TBCD: variants seen among roughly 807,000 people sequenced by gnomAD.
TBCD encodes tubulin-specific chaperone D.
TBCD carries 105 observed loss-of-function variants against 169.3 expected under a neutral mutation model. The ratio of observed to expected loss-of-function variants is 0.62; its 90% CI spans 0.53 to 0.73. The LOEUF is 0.73. TBCD is among the 30% of genes least tolerant of loss of function. The probability of loss-of-function intolerance (pLI) is 0.00; values close to 1 mark genes in which losing one functional copy is unlikely to be tolerated. For synonymous variants in TBCD, 700 were observed against 643.9 expected, an observed-to-expected ratio of 1.09 and a Z score of -1.32; for missense variants, 1,444 against 1,600.1, an observed-to-expected ratio of 0.90 and a Z score of 1.66.
intron 13 of TBCD, among the ~76,000 whole-genome samples, chr17:82,850,415 G>C (rs1204098901): frequency 7.2e-6 from 1 of 138,702 alleles, no homozygotes; most frequent in African/African-American, 2.7e-5. Flanking sequence ...GTTGTTGGCT[G>C]TGCTGTTGGC....
intron 2 of TBCD, among the ~76,000 whole-genome samples, chr17:82,758,551 A>G (rs1158095250): frequency 2.1e-5 from 3 of 143,708 alleles, no homozygotes; most frequent in Admixed American, 7.0e-5. Flanking sequence ...TGCCCAGCTG[A>G]GTTCATTATT....
chr17:82,858,481 G>A (rs2056498527), intron 13 of TBCD: 1 of 772,808 alleles, frequency 1.3e-6, no homozygotes, highest in Non-Finnish European at 1.6e-6. Context: ...AGGTTGGCCA[G>A]TCTGGCTGGG....
At chr17:82,918,014 A>T (rs2061173125) in intron 23 of TBCD, among the ~76,000 whole-genome samples, 1 of 152,156 alleles carries the variant, frequency 6.6e-6, no homozygotes, top group Admixed American at 6.5e-5. Context: ...CTAGTCTGTT[A>T]GTTTTTAAAA....
Position 82,753,977 on chromosome 17 carries a change from A to G in TBCD, c.184+1600A>G, listed in dbSNP as rs138193714. On this transcript the variant is annotated intron_variant, in intron 1 of 38. Coordinates refer to ENST00000355528, the MANE Select transcript of TBCD (RefSeq NM_005993.5). ...CCACAACCTCCACCTCCCAGGTTCAAGTGATTCTCCTGCCTCAGCCTCCCG... is the reference window on the plus strand; with the variant it reads ...CCACAACCTCCACCTCCCAGGTTCAGGTGATTCTCCTGCCTCAGCCTCCCG... Among the ~76,000 whole-genome samples the G allele has an allele frequency of 6.8e-3, 1,013 of 150,000 alleles. 15 individuals are homozygous for G. Among genetic ancestry groups the G allele is most frequent in the African/African-American group, 0.024 (977 of 40,540 alleles).
At chr17:82,893,068 G>A (rs2059251982) in intron 16 of TBCD, 1 of 154,732 alleles carries the variant, frequency 6.5e-6, no homozygotes, top group African/African-American at 2.4e-5. Context: ...TGAGGCCTGG[G>A]CTCTGGTCCA....
intron 8 of TBCD, among the ~76,000 whole-genome samples, chr17:82,799,559 T>A (rs1248982862): frequency 6.6e-6 from 1 of 152,070 alleles, no homozygotes; most frequent in Admixed American, 6.5e-5. Flanking sequence ...GAGAATGGCG[T>A]GCACGCCCCG....
rs1458098763 is a variant in TBCD, at chr17:82,850,503, C to CTGTTGGCTGTGCTGT, written c.1319-19701_1319-19687dup. ...TGCTGTTGTTGGCTGTGCTGTTTTG[C>CTGTTGGCTGTGCTGT]TGTTGGCTGTGCTGTTGTTGGCTGT... On this transcript the variant is annotated intron_variant, in intron 13 of 38. Coordinates refer to ENST00000355528, the MANE Select transcript of TBCD (RefSeq NM_005993.5). Among the ~76,000 whole-genome samples the CTGTTGGCTGTGCTGT allele has an allele frequency of 6.8e-5, 8 of 118,282 alleles. 1 individual carries two copies. The highest frequency in any genetic ancestry group is 4.7e-4 in the East Asian group (2 of 4,288). 77.6% of individuals were successfully genotyped at this position (118,282 alleles called of 152,430 possible). A position where few individuals can be genotyped will look rare whatever the true frequency, so the allele number is the denominator to read the frequency against.
At chr17:82,878,714 G>A (rs1223681889) in intron 14 of TBCD, among the ~76,000 whole-genome samples, 1 of 152,200 alleles carries the variant, frequency 6.6e-6, no homozygotes, top group Admixed American at 6.5e-5. Flanking sequence ...CGAAGGTTAT[G>A]CAACATCCTG....
intron 6 of TBCD, among the ~76,000 whole-genome samples, chr17:82,774,862 T>C (rs905462816): frequency 3.3e-5 from 5 of 152,268 alleles, no homozygotes; most frequent in African/African-American, 1.2e-4. Flanking sequence ...ATGCAATTAC[T>C]GGAGAGGCTG....
At chr17:82,767,990 C>T (rs1350667209) in intron 4 of TBCD, among the ~76,000 whole-genome samples, 1 of 151,360 alleles carries the variant, frequency 6.6e-6, no homozygotes, top group African/African-American at 2.4e-5. Context: ...TCAGGTGATC[C>T]GCTCGTCTCG....
At position 82,830,454 on chromosome 17, in the gene TBCD, G is replaced by A. The variant is rs775246356; in HGVS notation, c.1318+15520G>A. 3.1e-6 allele frequency: 5 copies of A among 1,612,384 alleles called. No individual in the cohort carries two copies. The East Asian group carries it at 8.9e-5, about 29-fold the overall frequency. ...CCTCGCTGCTGTCCACCGCGCATGC[G>A]TCTGGAGCCTCCTCGCCGGGGCCTG... On this transcript the variant is annotated intron_variant, in intron 13 of 38. Transcript: ENST00000355528.
chr17:82,773,229 C>T (rs1371467150), intron 6 of TBCD, among the ~76,000 whole-genome samples: 1 of 152,192 alleles, frequency 6.6e-6, no homozygotes, highest in Non-Finnish European at 1.5e-5. Context: ...GCAGCGTCAC[C>T]TTCACTCGGG....
At chr17:82,758,400 A>AAAAAAAAAAAAAAAAAAAAAAAT (rs1035939621) in intron 2 of TBCD, among the ~76,000 whole-genome samples, 23 of 100,044 alleles carry the variant, frequency 2.3e-4, no homozygotes, top group Non-Finnish European at 3.1e-4. Flanking sequence ...AAAAAAAAAA[A>AAAAAAAAAAAAAAAAAAAAAAAT]AAATAAATAA....
chr17:82,812,670 A>C (rs1035039095), intron 12 of TBCD, among the ~76,000 whole-genome samples: 10 of 152,170 alleles, frequency 6.6e-5, no homozygotes, highest in Non-Finnish European at 1.3e-4. Flanking sequence ...GCAGCCCCCA[A>C]GTAGCTGGGA....
chr17:82,820,470 T>A (rs1300006108), intron 13 of TBCD, among the ~76,000 whole-genome samples: 1 of 152,208 alleles, frequency 6.6e-6, no homozygotes. Context: ...AACTAGCACT[T>A]GGTGTTTTTC....
At position 82,855,993 on chromosome 17, in the gene TBCD, C is replaced by CTTTTTTTT. The variant is rs60978063; in HGVS notation, c.1319-14213_1319-14206dup. ...TTTGTATGGGTAGACTCCCCCCCCA[C>CTTTTTTTT]TTTTTTTTTTTTTTTTTTTTTTTTT... On this transcript the variant is annotated intron_variant, in intron 13 of 38. Coordinates refer to ENST00000355528, the MANE Select transcript of TBCD (RefSeq NM_005993.5). Among the ~76,000 whole-genome samples, 61 of 66,280 alleles carry CTTTTTTTT rather than the reference C, an allele frequency of 9.2e-4. 2 individuals carry two copies. The highest frequency in any genetic ancestry group is 2.7e-3 in the East Asian group (5 of 1,854). The allele number at this position is 66,280 out of a possible 152,430, so 43.5% of individuals were successfully genotyped here. A position where few individuals can be genotyped will look rare whatever the true frequency, so the allele number is the denominator to read the frequency against.
At chr17:82,879,489 C>A (rs1480461188) in intron 14 of TBCD, among the ~76,000 whole-genome samples, 1 of 152,240 alleles carries the variant, frequency 6.6e-6, no homozygotes, top group Admixed American at 6.5e-5. Flanking sequence ...TGTGCATCCT[C>A]CTCACCCTGG....
At chr17:82,780,146 G>A (rs1449632750) in intron 6 of TBCD, among the ~76,000 whole-genome samples, 6 of 151,840 alleles carry the variant, frequency 4.0e-5, no homozygotes, top group Non-Finnish European at 5.9e-5. Flanking sequence ...TTTGCAGTTC[G>A]CGAGTTCCCT....
chr17:82,929,444 C>A lies in TBCD; in HGVS notation c.2935C>A (p.Arg979Ser). The A allele has an allele frequency of 6.2e-7, 1 of 1,611,988 alleles. No individual in the cohort carries two copies. The highest frequency in any genetic ancestry group is 8.5e-7 in the Non-Finnish European group (1 of 1,179,878). ...CCAGCTCCTTGGGCTGCCCACCTAC[C>A]GCTACCACGTCCTGCTGGGGCTAGT... ...ITQLLGLPTY[R>S]YHVLLGLVVS... Residue 979 changes from arginine (R) to serine (S), a missense_variant, in exon 32 of 39, where the codon CGC becomes AGC. By Grantham distance (110) the Arg-to-Ser change is moderately radical (BLOSUM62 -1). Coordinates refer to ENST00000355528, the MANE Select transcript of TBCD (RefSeq NM_005993.5).
Sources: allele counts gnomAD v4.1 joint callset (sites outside exome capture counted in the v4.1 genomes callset), GRCh38; gene constraint gnomAD v4.1.1; transcripts MANE v1.5; gene names NCBI Gene and HGNC (gene_info 2026-07-23, HGNC 2026-07-21).